MAP6: variants seen among roughly 807,000 people sequenced by gnomAD.
MAP6 encodes the protein microtubule associated protein 6, also known as microtubule-associated protein 6.
In MAP6, 26 loss-of-function variants were observed where a neutral mutation model predicts 42.4. That is an observed-to-expected ratio of 0.61 (90% CI 0.45 to 0.85). The LOEUF (loss-of-function observed/expected upper bound fraction) is 0.85, where lower values mean the gene tolerates loss of function less well. Among genes scored for constraint, MAP6 ranks in the 40% least tolerant of loss-of-function variants. The pLI, the probability that MAP6 is intolerant of heterozygous loss-of-function variation, is 0.00. For synonymous variants in MAP6, 418 were observed against 443.8 expected, an observed-to-expected ratio of 0.94 and a Z score of 0.73; for missense variants, 966 against 1,099.0, an observed-to-expected ratio of 0.88 and a Z score of 1.71.
chr11:75,651,006 A>C (rs1425639621), intron 1 of MAP6, among the ~76,000 whole-genome samples: 2 of 152,086 alleles, frequency 1.3e-5, no homozygotes, highest in Non-Finnish European at 2.9e-5. Flanking sequence ...TCAGCACCAC[A>C]ATCCCCATCA....
chr11:75,601,504 C>T (rs1332298716), intron 3 of MAP6, among the ~76,000 whole-genome samples: 2 of 152,102 alleles, frequency 1.3e-5, no homozygotes, highest in Non-Finnish European at 2.9e-5. Flanking sequence ...TTATACCACC[C>T]TTGAATGATT....
intron 1 of MAP6, among the ~76,000 whole-genome samples, chr11:75,630,581 G>T (rs746160137): frequency 6.6e-5 from 10 of 152,136 alleles, no homozygotes; most frequent in Non-Finnish European, 1.5e-4. Flanking sequence ...CCAAATTTCA[G>T]ACTATTTATA....
At position 75,608,279 on chromosome 11, in the gene MAP6, T is replaced by C; in HGVS notation, c.949A>G (p.Ile317Val). Residue 317 changes from isoleucine (I) to valine (V), a missense_variant, in exon 2 of 4, where the codon ATA becomes GTA. By Grantham distance (29) the Ile-to-Val change is conservative. Coordinates refer to ENST00000304771, the MANE Select transcript of MAP6 (RefSeq NM_033063.2). ...AWTDIKPVKP[I>V]KAKPQYKPPD... ...GGCTTGTACTGGGGCTTGGCCTTTA[T>C]TGGTTTCACAGGCTTGATGTCCGTC... 4.3e-6 allele frequency: 7 copies of C among 1,614,220 alleles called. No individual in the cohort carries two copies. Among genetic ancestry groups the C allele is most frequent in the Non-Finnish European group, 5.1e-6 (6 of 1,180,026 alleles).
intron 1 of MAP6, among the ~76,000 whole-genome samples, chr11:75,664,005 T>C (rs777530933): frequency 3.9e-5 from 6 of 152,262 alleles, no homozygotes; most frequent in Non-Finnish European, 8.8e-5. Context: ...CTACCCTATC[T>C]ACCCCTATTA....
intron 1 of MAP6, among the ~76,000 whole-genome samples, chr11:75,644,259 C>A (rs1448163119): frequency 6.6e-6 from 1 of 152,032 alleles, no homozygotes; most frequent in Non-Finnish European, 1.5e-5. Flanking sequence ...AGTACCAATT[C>A]AGGAAAATTA....
chr11:75,619,229 C>G (rs187947952), intron 1 of MAP6, among the ~76,000 whole-genome samples: 6 of 151,894 alleles, frequency 4.0e-5, no homozygotes, highest in Non-Finnish European at 8.8e-5. Flanking sequence ...AGAGAAAAAT[C>G]TGAAAAAATG....
chr11:75,596,946 C>T (rs554670251), intron 3 of MAP6, among the ~76,000 whole-genome samples: 1 of 152,326 alleles, frequency 6.6e-6, no homozygotes, highest in Non-Finnish European at 1.5e-5. Flanking sequence ...AGGAATCCTA[C>T]AGATAGTCCC....
chr11:75,657,577 T>C (rs1314828741), intron 1 of MAP6, among the ~76,000 whole-genome samples: 1 of 152,114 alleles, frequency 6.6e-6, no homozygotes, highest in African/African-American at 2.4e-5. Context: ...TGTGTATCAA[T>C]CTCCTATAGC....
intron 1 of MAP6, among the ~76,000 whole-genome samples, chr11:75,656,468 A>G (rs1419344234): frequency 3.3e-5 from 5 of 152,222 alleles, no homozygotes; most frequent in African/African-American, 4.8e-5. Context: ...TCCTGTGTGT[A>G]ATGTACAAGG....
chr11:75,635,924 C>T (rs533488954), intron 1 of MAP6: 5 of 152,338 alleles, frequency 3.3e-5, no homozygotes, highest in Admixed American at 2.0e-4. Context: ...AACCTCTTTA[C>T]CCAAGTGTAA....
chr11:75,603,734 C>T, intron 3 of MAP6: 1 of 985,258 alleles, frequency 1.0e-6, no homozygotes, highest in Non-Finnish European at 1.2e-6. Context: ...CTTTATACTG[C>T]CCACCACGCC....
At chr11:75,610,182 T>C (rs1469142824) in intron 1 of MAP6, among the ~76,000 whole-genome samples, 1 of 152,206 alleles carries the variant, frequency 6.6e-6, no homozygotes, top group East Asian at 1.9e-4. Flanking sequence ...TCCAGAACTG[T>C]AAGGAATATA....
rs1405694018 is a variant in MAP6 at position 75,668,160 on chromosome 11, C to G, written c.210G>C (p.Gln70His). ...PSARAVAIET[Q>H]PAQGELDAVA... ...CTGCATCCAACTCGCCCTGGGCTGG[C>G]TGCGTCTCTATGGCAACCGCGCGCG... Residue 70 changes from glutamine to histidine, a missense_variant, in exon 1 of 4, where the codon CAG (glutamine) becomes CAC (histidine). Physicochemically the swap from Gln to His is conservative, Grantham distance 24. Transcript: ENST00000304771. 2 of 1,225,390 alleles carry G rather than the reference C, an allele frequency of 1.6e-6. No homozygotes were observed. Among genetic ancestry groups the G allele is most frequent in the African/African-American group, 3.2e-5 (2 of 62,796 alleles). 75.9% of individuals were successfully genotyped at this position (1,225,390 alleles called of 1,614,324 possible). A position where few individuals can be genotyped will look rare whatever the true frequency, so the allele number is the denominator to read the frequency against.
Position 75,587,604 on chromosome 11 carries a change from A to G in MAP6, c.1897T>C (p.Ser633Pro), listed in dbSNP as rs1942380416. ...GGATCTTGATCCTTGATAGGTGCTG[A>G]GACCATGGGACCTTCATCCTTGACA... ...APVKDEGPMVSAPIKDQDPMV... is the reference protein window; with the variant it reads ...APVKDEGPMVPAPIKDQDPMV... The change falls in exon 4 of 4, where the codon TCA becomes CCA. Residue 633 changes from serine (S) to proline (P), a missense_variant. Coordinates refer to ENST00000304771, the MANE Select transcript of MAP6 (RefSeq NM_033063.2). 1 of 1,614,000 alleles carries G rather than the reference A, an allele frequency of 6.2e-7. No homozygotes were observed. Among genetic ancestry groups the G allele is most frequent in the Non-Finnish European group, 8.5e-7 (1 of 1,180,014 alleles).
intron 3 of MAP6, among the ~76,000 whole-genome samples, chr11:75,589,534 C>G (rs1942438681): frequency 6.6e-6 from 1 of 152,110 alleles, no homozygotes; most frequent in Admixed American, 6.6e-5. Context: ...ATTTTCTTAC[C>G]CTTACTTGTC....
chr11:75,650,940 C>A (rs1273539252), intron 1 of MAP6, among the ~76,000 whole-genome samples: 2 of 152,136 alleles, frequency 1.3e-5, no homozygotes, highest in Non-Finnish European at 2.9e-5. Context: ...CCCTAAAGAC[C>A]TTCCTTATTT....
chr11:75,667,410 C>T lies in MAP6; in HGVS notation c.905+55G>A. Reference sequence around the variant, plus strand: ...CTGGGGATCCTGGGCCCCGGGCAGCCCGCGGGGAGGGTCTGCGTGGTGACT... The same window carrying T: ...CTGGGGATCCTGGGCCCCGGGCAGCTCGCGGGGAGGGTCTGCGTGGTGACT... On this transcript the variant is annotated intron_variant, in intron 1 of 3. Transcript: ENST00000304771. The surrounding 1 kb of genome is among the most constrained non-coding windows in gnomAD (Gnocchi z 5.6). The T allele has an allele frequency of 7.3e-7, 1 of 1,375,580 alleles. No individual in the cohort carries two copies. The allele number at this position is 1,375,580 out of a possible 1,614,324, so 85.2% of individuals were successfully genotyped here.
At position 75,667,980 on chromosome 11, in the gene MAP6, C is replaced by A. The variant is rs759741154; in HGVS notation, c.390G>T (p.Val130=). The A allele has an allele frequency of 2.8e-4, 359 of 1,297,508 alleles. No homozygotes were observed. Among genetic ancestry groups the A allele is most frequent in the Non-Finnish European group, 3.3e-4 (336 of 1,018,568 alleles). 80.4% of individuals were successfully genotyped at this position (1,297,508 alleles called of 1,614,324 possible). Residue 130 remains valine (V), a synonymous_variant, in exon 1 of 4, where the codon GTG becomes GTT. Coordinates refer to ENST00000304771, the MANE Select transcript of MAP6 (RefSeq NM_033063.2). This position sits in a 1 kb window ranked among gnomAD's most constrained non-coding sequence, Gnocchi z 5.6. Reference sequence around the variant, plus strand: ...GCCGGCAGCTGGGCTCGGGCCGCTGCACCTTCCAGGCTCGGTAATCCTGCC... The same window carrying A: ...GCCGGCAGCTGGGCTCGGGCCGCTGAACCTTCCAGGCTCGGTAATCCTGCC... ...VMRQDYRAWK[V]QRPEPSCRPR... is the part of the protein sequence containing the mutation.
chr11:75,600,937 C>A (rs1279983639), intron 3 of MAP6, among the ~76,000 whole-genome samples: 1 of 152,230 alleles, frequency 6.6e-6, no homozygotes, highest in African/African-American at 2.4e-5. Context: ...AACTTAGCAA[C>A]AATGACCTAT....
Sources: allele counts gnomAD v4.1 joint callset (sites outside exome capture counted in the v4.1 genomes callset), GRCh38; gene constraint gnomAD v4.1.1; non-coding constraint Gnocchi (gnomAD v3.1); transcripts MANE v1.5; gene names NCBI Gene and HGNC (gene_info 2026-07-23, HGNC 2026-07-21).